RIMS1: variants seen among roughly 807,000 people sequenced by gnomAD.
RIMS1 encodes regulating synaptic membrane exocytosis 1, also known as regulating synaptic membrane exocytosis protein 1.
In RIMS1, 83 loss-of-function variants were observed where a neutral mutation model predicts 214.1. The observed-to-expected ratio is 0.39, with a 90% CI of 0.32 to 0.47. The LOEUF (loss-of-function observed/expected upper bound fraction) is 0.47, where lower values mean the gene tolerates loss of function less well. RIMS1 is among the 20% of genes least tolerant of loss of function. The pLI is 0.99. For synonymous variants in RIMS1, 793 were observed against 786.8 expected, an observed-to-expected ratio of 1.01 and a Z score of -0.13; for missense variants, 2,050 against 2,161.8, an observed-to-expected ratio of 0.95 and a Z score of 1.03.
intron 26 of RIMS1, among the ~76,000 whole-genome samples, chr6:72,294,556 A>T (rs2093842529): frequency 6.6e-6 from 1 of 151,768 alleles, no homozygotes; most frequent in Non-Finnish European, 1.5e-5. Flanking sequence ...CTTATAAAAT[A>T]ATTTTATTAA....
chr6:72,216,752 T>C, intron 6 of RIMS1: 1 of 986,394 alleles, frequency 1.0e-6, no homozygotes, highest in Non-Finnish European at 1.2e-6. Flanking sequence ...GCCTGAGTCT[T>C]TTCTTCTGTG....
intron 1 of RIMS1, among the ~76,000 whole-genome samples, chr6:71,955,034 C>T (rs1655348836): frequency 6.6e-6 from 1 of 152,068 alleles, no homozygotes; most frequent in African/African-American, 2.4e-5. Flanking sequence ...ACATCCATAT[C>T]ATTGCATGTG....
chr6:72,150,784 T>C (rs1368645650), intron 4 of RIMS1, among the ~76,000 whole-genome samples: 4 of 152,218 alleles, frequency 2.6e-5, no homozygotes, highest in African/African-American at 7.2e-5. Flanking sequence ...CATTCTACTT[T>C]TCAGGCTTCC....
intron 1 of RIMS1, among the ~76,000 whole-genome samples, chr6:71,893,927 T>G (rs77943238): frequency 6.6e-6 from 1 of 152,250 alleles, no homozygotes; most frequent in East Asian, 1.9e-4. Flanking sequence ...TTATTATGTA[T>G]GGTAACCCCT....
chr6:71,947,769 A>T (rs1005574098), intron 1 of RIMS1, among the ~76,000 whole-genome samples: 8 of 152,158 alleles, frequency 5.3e-5, no homozygotes, highest in African/African-American at 1.7e-4. Flanking sequence ...GTATACATAT[A>T]TGAAATATGT....
chr6:72,347,733 T>C (rs1280511457), intron 29 of RIMS1, among the ~76,000 whole-genome samples: 1 of 151,916 alleles, frequency 6.6e-6, no homozygotes, highest in African/African-American at 2.4e-5. Flanking sequence ...CTACAGGTGC[T>C]CTACCCAGAA....
At position 72,073,760 on chromosome 6, in the gene RIMS1, T is replaced by C. The variant is rs569683580; in HGVS notation, c.246-23189T>C. Among the ~76,000 whole-genome samples the C allele has an allele frequency of 3.3e-5, 5 of 152,322 alleles. No individual in the cohort carries two copies. In the South Asian group the frequency reaches 1.0e-3, roughly 32 times the overall value. ...CCTGGATTTTGTTCAGTTCTGCCTTTATCTATGTAATTACTTCTCTGGTCC... is the reference window on the plus strand; with the variant it reads ...CCTGGATTTTGTTCAGTTCTGCCTTCATCTATGTAATTACTTCTCTGGTCC... On this transcript the variant is annotated intron_variant, in intron 2 of 33. Coordinates refer to ENST00000521978, the MANE Select transcript of RIMS1 (RefSeq NM_014989.7).
intron 28 of RIMS1, among the ~76,000 whole-genome samples, 177 bp from the exon 29 acceptor site, chr6:72,333,423 A>C (rs1305461731): frequency 7.2e-5 from 11 of 151,868 alleles, no homozygotes; most frequent in African/African-American, 2.7e-4. Context: ...TCTAGTAATA[A>C]ATACTTTGCA....
intron 2 of RIMS1, among the ~76,000 whole-genome samples, chr6:72,013,779 G>T (rs758018229): frequency 6.6e-6 from 1 of 152,130 alleles, no homozygotes; most frequent in African/African-American, 2.4e-5. Context: ...GCAGTTCACT[G>T]GTTTTTAGTT....
intron 24 of RIMS1, among the ~76,000 whole-genome samples, chr6:72,288,150 C>A (rs753794853): frequency 6.6e-6 from 1 of 152,094 alleles, no homozygotes; most frequent in African/African-American, 2.4e-5. Context: ...GCTGGACAGA[C>A]CTGTGTGGAT....
At chr6:72,345,859 G>T (rs2154362826) in intron 29 of RIMS1, among the ~76,000 whole-genome samples, 1 of 151,722 alleles carries the variant, frequency 6.6e-6, no homozygotes, top group East Asian at 1.9e-4. Flanking sequence ...TTACTAAGAG[G>T]GTGGTTGTTG....
intron 2 of RIMS1, among the ~76,000 whole-genome samples, chr6:72,009,237 C>A (rs542589064): frequency 6.6e-6 from 1 of 152,174 alleles, no homozygotes; most frequent in African/African-American, 2.4e-5. Flanking sequence ...GGATACATAA[C>A]GAAATGAAGG....
chr6:72,360,766 G>T (rs2154383488), intron 29 of RIMS1, among the ~76,000 whole-genome samples: 1 of 149,526 alleles, frequency 6.7e-6, no homozygotes, highest in Admixed American at 6.7e-5. Flanking sequence ...AAAAAGATAG[G>T]AAAAAAGACG....
intron 28 of RIMS1, among the ~76,000 whole-genome samples, chr6:72,326,314 G>GT (rs887336041): frequency 2.6e-5 from 4 of 151,598 alleles, no homozygotes; most frequent in African/African-American, 7.3e-5. Context: ...TAGGACTTCT[G>GT]TTTTTTATCC....
In RIMS1 at chr6:71,886,978, A is replaced by C. The variant is rs745731514; in HGVS notation, c.-46A>C. ...CGCAGCTGCTGGGCGTGCATCCGAA[A>C]GGTGAGAGCCAGAGAGCGAGCAGAG... On this transcript the variant is annotated 5_prime_UTR_variant, in exon 1 of 34. Transcript: ENST00000521978. 6.3e-7 allele frequency: 1 copy of C among 1,594,514 alleles called. No individual in the cohort carries two copies. The highest frequency in any genetic ancestry group is 8.5e-7 in the Non-Finnish European group (1 of 1,169,632).
chr6:72,019,038 T>C (rs1168161708), intron 2 of RIMS1, among the ~76,000 whole-genome samples: 2 of 152,164 alleles, frequency 1.3e-5, no homozygotes, highest in African/African-American at 2.4e-5. Context: ...ATTCCTGCCC[T>C]GTGTTGATGT....
rs768467056 is a variant in RIMS1 at position 72,014,876 on chromosome 6, T to C, written c.245+45813T>C. On this transcript the variant is annotated intron_variant, in intron 2 of 33. Transcript: ENST00000521978. ...GCATCCTTTCATGATATATCCTCTT[T>C]GGAGAAATATCTAATCAAATTCCCT... Among the ~76,000 whole-genome samples, 111 of 152,340 alleles carry C rather than the reference T, an allele frequency of 7.3e-4. 1 individual carries two copies. The highest frequency in any genetic ancestry group is 1.4e-3 in the Non-Finnish European group (96 of 68,030).
At chr6:71,981,410 C>G (rs1233227943) in intron 2 of RIMS1, among the ~76,000 whole-genome samples, 1 of 152,126 alleles carries the variant, frequency 6.6e-6, no homozygotes, top group Non-Finnish European at 1.5e-5. Context: ...TGGCAGCATT[C>G]TTCTTGCTCA....
intron 24 of RIMS1, among the ~76,000 whole-genome samples, chr6:72,290,400 AAAAC>A (rs1260698170): frequency 7.4e-5 from 11 of 147,748 alleles, no homozygotes; most frequent in East Asian, 3.9e-4. Flanking sequence ...AAAACAAAAC[AAAAC>A]AAACAGACAG....
Sources: allele counts gnomAD v4.1 joint callset (sites outside exome capture counted in the v4.1 genomes callset), GRCh38; gene constraint gnomAD v4.1.1; transcripts MANE v1.5; gene names NCBI Gene and HGNC (gene_info 2026-07-23, HGNC 2026-07-21).